The following AMDHD2 variants were observed in gnomAD, a reference collection of about 807,000 sequenced individuals.
The protein encoded by AMDHD2 is amidohydrolase domain containing 2, also known as N-acetylglucosamine-6-phosphate deacetylase.
AMDHD2 carries 24 observed loss-of-function variants against 41.8 expected under a neutral mutation model. The ratio of observed to expected loss-of-function variants is 0.57; its 90% CI spans 0.42 to 0.81. AMDHD2 has a LOEUF of 0.81. AMDHD2 is among the 30% of genes least tolerant of loss of function. The probability of loss-of-function intolerance (pLI) is 0.00; values close to 1 mark genes in which losing one functional copy is unlikely to be tolerated. For missense variants in AMDHD2, 540 were observed against 588.5 expected (o/e 0.92, Z 0.85); for synonymous variants, 332 against 255.5 (o/e 1.30, Z -2.85).
chr16:2,529,650 C>A lies in AMDHD2; in HGVS notation c.*87C>A. On this transcript the variant is annotated 3_prime_UTR_variant, in exon 11 of 11. Coordinates refer to ENST00000293971, the MANE Select transcript of AMDHD2 (RefSeq NM_001330449.2). ...GGGAGCTGGTCTCCAGGGAGTGAGT[C>A]GGGAGCCCTGCTGGATTGATGCCCA... 2 of 1,580,762 alleles carry A rather than the reference C, an allele frequency of 1.3e-6. No individual in the cohort carries two copies. The highest frequency in any genetic ancestry group is 2.2e-5 in the South Asian group (2 of 89,214).
chr16:2,522,148 G>A (rs1194807659), intron 3 of AMDHD2, among the ~76,000 whole-genome samples: 2 of 152,058 alleles, frequency 1.3e-5, no homozygotes, highest in Non-Finnish European at 2.9e-5. Context: ...GAGTGGTGTG[G>A]TCATAGCCCA....
chr16:2,529,312 A>G (rs1349350969), intron 10 of AMDHD2, 163 bp from the exon 11 acceptor site: 1 of 1,218,636 alleles, frequency 8.2e-7, no homozygotes, highest in African/African-American at 1.5e-5. Flanking sequence ...TGCAGGGAGC[A>G]TTGTCCAGTA....
At position 2,520,750 on chromosome 16, in the gene AMDHD2, C is replaced by T. The variant is rs773009439; in HGVS notation, c.84-19C>T. On this transcript the variant is annotated intron_variant, in intron 1 of 10. Coordinates refer to ENST00000293971, the MANE Select transcript of AMDHD2 (RefSeq NM_001330449.2). ...GAGGTCAGGCCCGCGATGCGAGCGCCCACCCACTGCGTCCCCAGGGAGGAT... is the reference window on the plus strand; with the variant it reads ...GAGGTCAGGCCCGCGATGCGAGCGCTCACCCACTGCGTCCCCAGGGAGGAT... The T allele has an allele frequency of 1.3e-6, 2 of 1,549,736 alleles. No individual in the cohort carries two copies. The highest frequency in any genetic ancestry group is 1.4e-5 in the African/African-American group (1 of 73,402).
rs760521999 is a variant in AMDHD2 at position 2,529,093 on chromosome 16, C to T, written c.1139C>T (p.Ala380Val). Reference sequence around the variant, plus strand: ...GGGACCCTGGACTTTGGTGCTGACGCAGGTGAGGGCCTGTCGCAGGGTCAC... The same window carrying T: ...GGGACCCTGGACTTTGGTGCTGACGTAGGTGAGGGCCTGTCGCAGGGTCAC... ...SKGTLDFGADADFVVLDDSLH... is the reference protein window; with the variant it reads ...SKGTLDFGADVDFVVLDDSLH... The change falls in exon 10 of 11, where the codon GCA becomes GTA. Residue 380 changes from alanine to valine, a missense_variant and splice_region_variant. Coordinates refer to ENST00000293971, the MANE Select transcript of AMDHD2 (RefSeq NM_001330449.2). The T allele has an allele frequency of 1.9e-6, 3 of 1,574,178 alleles. No homozygotes were observed. In the South Asian group the frequency reaches 3.5e-5, roughly 18 times the overall value.
Position 2,530,522 on chromosome 16 carries a change from T to A in AMDHD2, c.*959T>A. On this transcript the variant is annotated 3_prime_UTR_variant, in exon 11 of 11. Transcript: ENST00000293971. Reference sequence around the variant, plus strand: ...GGTGCAGCCCCACGTCAGGGGTGATTGTCTTGACTTTCTCTCCATTTGAGT... The same window carrying A: ...GGTGCAGCCCCACGTCAGGGGTGATAGTCTTGACTTTCTCTCCATTTGAGT... 6.2e-7 allele frequency: 1 copy of A among 1,614,156 alleles called. No homozygotes were observed. Among genetic ancestry groups the A allele is most frequent in the Non-Finnish European group, 8.5e-7 (1 of 1,179,994 alleles).
intron 3 of AMDHD2, among the ~76,000 whole-genome samples, chr16:2,522,187 G>T (rs1596990571): frequency 6.6e-6 from 1 of 152,112 alleles, no homozygotes; most frequent in Non-Finnish European, 1.5e-5. Context: ...CTGCTCAAGC[G>T]ATCCTCTTGC....
At position 2,524,364 on chromosome 16, in the gene AMDHD2, C is replaced by T. The variant is rs1001497812; in HGVS notation, c.361-3197C>T. On this transcript the variant is annotated intron_variant, in intron 3 of 10. Coordinates refer to ENST00000293971, the MANE Select transcript of AMDHD2 (RefSeq NM_001330449.2). ...TTTGTTCTTTGCTTTAAGTCTGTTACCTCCTGAGCCAAGGTGAGGCACCTC... is the reference window on the plus strand; with the variant it reads ...TTTGTTCTTTGCTTTAAGTCTGTTATCTCCTGAGCCAAGGTGAGGCACCTC... 3.3e-5 allele frequency among the ~76,000 whole-genome samples: 5 copies of T among 152,208 alleles called. 1 individual carries two copies. The highest frequency in any genetic ancestry group is 1.3e-4 in the Admixed American group (2 of 15,282).
intron 3 of AMDHD2, among the ~76,000 whole-genome samples, chr16:2,524,817 C>A (rs926557921): frequency 6.6e-6 from 1 of 152,040 alleles, no homozygotes; most frequent in African/African-American, 2.4e-5. Context: ...TCAGTGCTCT[C>A]GTGGCTCCGT....
chr16:2,525,871 G>C (rs771733278), intron 3 of AMDHD2, among the ~76,000 whole-genome samples: 5 of 151,822 alleles, frequency 3.3e-5, no homozygotes, highest in Non-Finnish European at 5.9e-5. Flanking sequence ...TAGAGATGGG[G>C]TTTCTCCATG....
At position 2,529,016 on chromosome 16, in the gene AMDHD2, G is replaced by A; in HGVS notation, c.1062G>A (p.Leu354=). The A allele has an allele frequency of 1.3e-6, 2 of 1,591,562 alleles. No individual in the cohort carries two copies. Among genetic ancestry groups the A allele is most frequent in the Non-Finnish European group, 8.5e-7 (1 of 1,169,732 alleles). The part of the protein sequence containing the change: ...QATGCSMESA[L]EAASLHPAQL... Reference sequence around the variant, plus strand: ...CAGGCTGCAGCATGGAGTCGGCCCTGGAGGCTGCATCCCTGCACCCCGCCC... The same window carrying A: ...CAGGCTGCAGCATGGAGTCGGCCCTAGAGGCTGCATCCCTGCACCCCGCCC... The change falls in exon 10 of 11, where the codon CTG becomes CTA. Residue 354 remains leucine (L), a synonymous_variant. Transcript: ENST00000293971.
Position 2,530,151 on chromosome 16 carries a change from C to T in AMDHD2, c.*588C>T, listed in dbSNP as rs1368734856. Reference sequence around the variant, plus strand: ...TGACCTCCAGGAGGGAGACTGGGCCCGGGACCCCTGTTTTCTGCTCCCTGG... The same window carrying T: ...TGACCTCCAGGAGGGAGACTGGGCCTGGGACCCCTGTTTTCTGCTCCCTGG... On this transcript the variant is annotated 3_prime_UTR_variant, in exon 11 of 11. Coordinates refer to ENST00000293971, the MANE Select transcript of AMDHD2 (RefSeq NM_001330449.2). 1.9e-5 allele frequency: 27 copies of T among 1,424,080 alleles called. No homozygotes were observed. Among genetic ancestry groups the T allele is most frequent in the Admixed American group, 1.0e-4 (4 of 39,390 alleles). 88.2% of individuals were successfully genotyped at this position (1,424,080 alleles called of 1,614,324 possible).
At position 2,530,651 on chromosome 16, in the gene AMDHD2, C is replaced by T; in HGVS notation, c.*1088C>T. The stretch of plus-strand genomic sequence containing the variant: ...TGTTCTCTTCCCTCTGCTGCAAAGC[C>T]CAGTTAAGGAAATGTCTCCAGGTCC... On this transcript the variant is annotated 3_prime_UTR_variant, in exon 11 of 11. Transcript: ENST00000293971. 6.2e-7 allele frequency: 1 copy of T among 1,614,184 alleles called. No individual in the cohort carries two copies. Among genetic ancestry groups the T allele is most frequent in the South Asian group, 1.1e-5 (1 of 91,092 alleles).
Position 2,520,525 on chromosome 16 carries a change from G to A in AMDHD2, c.67G>A (p.Gly23Arg), listed in dbSNP as rs751808945. Residue 23 changes from glycine to arginine, a missense_variant, in exon 1 of 11, where the codon GGA (glycine) becomes AGA (arginine). Gly to Arg is a moderately radical substitution (Grantham distance 125). Coordinates refer to ENST00000293971, the MANE Select transcript of AMDHD2 (RefSeq NM_001330449.2). ...GTTCACTAACTGCCGGATCCTGCGC[G>A]GAGGGAAACTGCTCAGGTGGGCGCG... ...LQFTNCRILR[G>R]GKLLREDLWV... The A allele has an allele frequency of 4.7e-5, 58 of 1,239,844 alleles. No individual in the cohort carries two copies. Among genetic ancestry groups the A allele is most frequent in the Non-Finnish European group, 5.7e-5 (56 of 985,150 alleles). 76.8% of individuals were successfully genotyped at this position (1,239,844 alleles called of 1,614,324 possible).
rs773685561 is a variant in AMDHD2 at position 2,520,922 on chromosome 16, G to T, written c.220+17G>T. The T allele has an allele frequency of 2.5e-6, 4 of 1,597,158 alleles. No individual in the cohort carries two copies. Among genetic ancestry groups the T allele is most frequent in the Non-Finnish European group, 1.7e-6 (2 of 1,169,166 alleles). ...AGATCAACGGTGCGGCCCGGGGCCG[G>T]CAGGGGAACCCAGGGGAGGAGCTCT... On this transcript the variant is annotated intron_variant, in intron 2 of 10. Coordinates refer to ENST00000293971, the MANE Select transcript of AMDHD2 (RefSeq NM_001330449.2).
chr16:2,528,860 G>A (rs535040220), intron 9 of AMDHD2, 134 bp from the exon 10 acceptor site: 562 of 1,506,088 alleles, frequency 3.7e-4, no homozygotes, highest in Non-Finnish European at 4.6e-4. Context: ...CAGGCCCAGG[G>A]TGACAGGCAG....
At chr16:2,524,224 C>G (rs1421282075) in intron 3 of AMDHD2, among the ~76,000 whole-genome samples, 1 of 152,258 alleles carries the variant, frequency 6.6e-6, no homozygotes, top group Non-Finnish European at 1.5e-5. Context: ...GGCCACTTTG[C>G]CAGAAGCTTC....
rs1178893441 is a variant in AMDHD2, at chr16:2,528,164, CCCCAGGGGCGGGGCTGGGGT to C, written c.717+22_717+41del. ...CATGCTGCCTGTGAGTGCTATGGGG[CCCCAGGGGCGGGGCTGGGGT>C]CCCAGCAGCCCCTGCTGTCGCTCAG... On this transcript the variant is annotated intron_variant, in intron 6 of 10. Coordinates refer to ENST00000293971, the MANE Select transcript of AMDHD2 (RefSeq NM_001330449.2). 1 of 1,612,652 alleles carries C rather than the reference CCCCAGGGGCGGGGCTGGGGT, an allele frequency of 6.2e-7. No individual in the cohort carries two copies. Among genetic ancestry groups the C allele is most frequent in the African/African-American group, 1.3e-5 (1 of 74,868 alleles).
At position 2,528,438 on chromosome 16, in the gene AMDHD2, C is replaced by T. The variant is rs1193478957; in HGVS notation, c.863-14C>T. On this transcript the variant is annotated splice_polypyrimidine_tract_variant and intron_variant, in intron 7 of 10. Transcript: ENST00000293971. ...ATGACTGGGCTAGCAGGTTCTGAGC[C>T]TCTTCTCCCCCAGGGCTGGTGCTGG... is the stretch of plus-strand genomic sequence containing the variant. The T allele has an allele frequency of 6.2e-7, 1 of 1,612,856 alleles. No homozygotes were observed. Among genetic ancestry groups the T allele is most frequent in the South Asian group, 1.1e-5 (1 of 91,088 alleles).
rs2066022524 is a variant in AMDHD2 at position 2,527,761 on chromosome 16, C to T, written c.416-12C>T. 3.8e-6 allele frequency: 6 copies of T among 1,563,992 alleles called. No individual in the cohort carries two copies. The highest frequency in any genetic ancestry group is 3.5e-5 in the South Asian group (3 of 85,918). On this transcript the variant is annotated splice_polypyrimidine_tract_variant and intron_variant, in intron 4 of 10. Transcript: ENST00000293971. This position sits in a 1 kb window ranked among gnomAD's most constrained non-coding sequence, Gnocchi z 6.1. ...CAGGGACCTGCTGGAGCCACTTGCTCCCTCCTCCCAGGGCTGCACCTGGAG... is the reference window on the plus strand; with the variant it reads ...CAGGGACCTGCTGGAGCCACTTGCTTCCTCCTCCCAGGGCTGCACCTGGAG...
Sources: gnomAD v4.1 joint callset for allele counts (sites outside exome capture counted in the v4.1 genomes callset) on GRCh38, gnomAD v4.1.1 for gene constraint, Gnocchi (gnomAD v3.1) non-coding constraint, MANE v1.5 for transcripts, NCBI Gene and HGNC (gene_info 2026-07-23, HGNC 2026-07-21) for gene names.